The following DDX59 variants were observed in gnomAD, a reference collection of about 807,000 sequenced individuals.
DDX59 encodes the protein DEAD-box helicase 59.
A neutral mutation model predicts 51.9 loss-of-function variants in DDX59; 30 were observed. The ratio of observed to expected loss-of-function variants is 0.58; its 90% CI spans 0.43 to 0.78. The LOEUF (loss-of-function observed/expected upper bound fraction) is 0.78, where lower values mean the gene tolerates loss of function less well. Among genes scored for constraint, DDX59 ranks in the 30% least tolerant of loss-of-function variants. DDX59 has a pLI of 0.00. For synonymous variants in DDX59, 255 were observed against 253.3 expected, an observed-to-expected ratio of 1.01 and a Z score of -0.06; for missense variants, 672 against 730.8, an observed-to-expected ratio of 0.92 and a Z score of 0.93.
Position 200,666,329 on chromosome 1 carries a change from G to A in DDX59, c.412C>T (p.Gln138Ter). The A allele has an allele frequency of 1.9e-6, 3 of 1,614,134 alleles. No individual in the cohort carries two copies. The highest frequency in any genetic ancestry group is 1.7e-6 in the Non-Finnish European group (2 of 1,180,030). ...SLECKAKHLLQVKEKEEKSKL... is the reference protein window; with the variant it reads ...SLECKAKHLL ...GATTTCTCTTCCTTTTCCTTAACTT[G>A]TAGAAGATGTTTCGCTTTACACTCC... The change falls in exon 2 of 8, where the codon CAA becomes TAA. Residue 138 changes from glutamine to a stop codon, truncating the protein, a stop_gained. Transcript: ENST00000331314. LOFTEE classifies it high-confidence loss of function.
At chr1:200,649,046 A>AC in intron 6 of DDX59, 28 bp downstream of exon 6, 1 of 1,517,382 alleles carries the variant, frequency 6.6e-7, no homozygotes, top group Non-Finnish European at 8.8e-7. Flanking sequence ...TTTATAGAAA[A>AC]CAGAATATAG....
intron 2 of DDX59, 51 bp from the exon 3 acceptor site, chr1:200,664,137 T>C (rs1271537917): frequency 6.4e-7 from 1 of 1,570,664 alleles, no homozygotes; most frequent in Non-Finnish European, 8.6e-7. Context: ...TAATTCCTGC[T>C]GATATGAACT....
intron 1 of DDX59, among the ~76,000 whole-genome samples, chr1:200,667,056 C>T (rs551011536): frequency 2.6e-5 from 4 of 151,478 alleles, no homozygotes; most frequent in Admixed American, 1.3e-4. Flanking sequence ...TGCAGTGAGC[C>T]GAGATCGTGC....
intron 3 of DDX59, 118 bp downstream of exon 3, chr1:200,663,801 A>G (rs1662530670): frequency 2.8e-6 from 3 of 1,076,132 alleles, no homozygotes; most frequent in Non-Finnish European, 3.7e-6. Flanking sequence ...CTTACTTGGT[A>G]AGAATTTAAA....
intron 4 of DDX59, among the ~76,000 whole-genome samples, chr1:200,653,906 C>T (rs1661831814): frequency 6.6e-6 from 1 of 152,162 alleles, no homozygotes; most frequent in African/African-American, 2.4e-5. Context: ...GTTGCCACTG[C>T]CGTATCGCCT....
chr1:200,655,748 A>T (rs1159045056), intron 4 of DDX59, among the ~76,000 whole-genome samples: 1 of 151,804 alleles, frequency 6.6e-6, no homozygotes, highest in Non-Finnish European at 1.5e-5. Flanking sequence ...CTAAGAAGCC[A>T]TTTTTTGCAG....
intron 4 of DDX59, among the ~76,000 whole-genome samples, chr1:200,653,748 C>T (rs1028919743): frequency 2.0e-5 from 3 of 152,212 alleles, no homozygotes; most frequent in Non-Finnish European, 4.4e-5. Context: ...ATACCTCATG[C>T]TTGCTTCCTT....
rs7521257 is a variant in DDX59, at chr1:200,658,836, G to A, written c.1062+191C>T. On this transcript the variant is annotated intron_variant, in intron 4 of 7. Transcript: ENST00000331314. ...CTGTCAATTAGGAAAAGACAGCTCT[G>A]GTTTAATTTTAGTGTAGTACACATT... Among the ~76,000 whole-genome samples, 7,753 of 152,194 alleles carry A rather than the reference G, an allele frequency of 0.051. 264 individuals carry two copies. The highest frequency in any genetic ancestry group is 0.094 in the African/African-American group (3,910 of 41,518).
At chr1:200,665,004 C>T (rs1194234677) in intron 2 of DDX59, among the ~76,000 whole-genome samples, 2 of 152,188 alleles carry the variant, frequency 1.3e-5, no homozygotes, top group Non-Finnish European at 2.9e-5. Context: ...ACTTCCCTTC[C>T]TGCCATACTT....
At chr1:200,654,455 TAG>T (rs560775284) in intron 4 of DDX59, 1 of 151,988 alleles carries the variant, frequency 6.6e-6, no homozygotes, top group Non-Finnish European at 1.5e-5. Flanking sequence ...AATGAGTTTG[TAG>T]AGATTCCTGG....
intron 2 of DDX59, among the ~76,000 whole-genome samples, chr1:200,664,625 T>C (rs1249948301): frequency 6.6e-6 from 1 of 152,152 alleles, no homozygotes; most frequent in Non-Finnish European, 1.5e-5. Flanking sequence ...CACTATCTTC[T>C]ACTACTCTTT....
chr1:200,656,014 A>G (rs1010195854), intron 4 of DDX59, among the ~76,000 whole-genome samples: 8 of 151,972 alleles, frequency 5.3e-5, no homozygotes, highest in African/African-American at 1.9e-4. Context: ...ATTTTTAGTA[A>G]AGATGGGGTT....
At chr1:200,661,318 G>A (rs1389927877) in intron 3 of DDX59, among the ~76,000 whole-genome samples, 1 of 152,176 alleles carries the variant, frequency 6.6e-6, no homozygotes, top group Admixed American at 6.5e-5. Flanking sequence ...AATTCAAAGT[G>A]TGGTGAAGAA....
chr1:200,653,043 TCTCA>T (rs1343703349), intron 4 of DDX59, among the ~76,000 whole-genome samples: 1 of 152,190 alleles, frequency 6.6e-6, no homozygotes, highest in East Asian at 1.9e-4. Context: ...CTTTCTCTTC[TCTCA>T]ATCTCTATAC....
At chr1:200,649,999 C>CG (rs1356859526) in intron 5 of DDX59, among the ~76,000 whole-genome samples, 12 of 151,956 alleles carry the variant, frequency 7.9e-5, no homozygotes, top group African/African-American at 2.2e-4. Context: ...TGTGCCACCA[C>CG]GCCTGGCTAA....
At chr1:200,668,624 C>T (rs1314746394) in intron 1 of DDX59, among the ~76,000 whole-genome samples, 1 of 152,150 alleles carries the variant, frequency 6.6e-6, no homozygotes, top group Non-Finnish European at 1.5e-5. Flanking sequence ...CTTAAAACTC[C>T]CCTGCAAAGT....
At position 200,644,264 on chromosome 1, in the gene DDX59, G is replaced by T. The variant is rs145775065; in HGVS notation, c.1850C>A (p.Ser617Tyr). The T allele has an allele frequency of 4.6e-6, 7 of 1,533,906 alleles. No homozygotes were observed. In the African/African-American group the frequency reaches 8.4e-5, roughly 18 times the overall value. ...DIIRKHDKSNSQK is the reference protein window; with the variant it reads ...DIIRKHDKSNYQK ...AAGTGGCAGAGAAAATCATTTCTGA[G>T]AATTACTTTTATCATGTTTTCTGAT... is the stretch of plus-strand genomic sequence containing the variant. The change falls in exon 8 of 8, where the codon TCT (serine) becomes TAT (tyrosine). Residue 617 changes from serine to tyrosine, a missense_variant. Physicochemically the swap from Ser to Tyr is moderately radical, Grantham distance 144 (BLOSUM62 -2). Coordinates refer to ENST00000331314, the MANE Select transcript of DDX59 (RefSeq NM_001031725.6).
At chr1:200,665,808 G>T in intron 2 of DDX59, 129 bp downstream of exon 2, 1 of 948,090 alleles carries the variant, frequency 1.1e-6, no homozygotes, top group Non-Finnish European at 1.5e-6. Flanking sequence ...AATCACTACA[G>T]GCACTAGTGA....
chr1:200,644,319 G>T lies in DDX59; in HGVS notation c.1795C>A (p.Leu599Met), dbSNP rs755695604. The T allele has an allele frequency of 6.8e-6, 11 of 1,613,320 alleles. No homozygotes were observed. In the African/African-American group the frequency reaches 1.5e-4, roughly 22 times the overall value. The change falls in exon 8 of 8, where the codon CTG becomes ATG. Residue 599 changes from leucine (L) to methionine (M), a missense_variant. By Grantham distance (15) the Leu-to-Met change is conservative (BLOSUM62 2). Transcript: ENST00000331314. ...QQKDKQTQND[L>M]VTGANLMDII... ...TCCATAAGATTAGCTCCTGTAACCAGATCATTCTGTGTCTGTTTATCTTTC... is the reference window on the plus strand; with the variant it reads ...TCCATAAGATTAGCTCCTGTAACCATATCATTCTGTGTCTGTTTATCTTTC...
Sources: allele counts gnomAD v4.1 joint callset (sites outside exome capture counted in the v4.1 genomes callset), GRCh38; gene constraint gnomAD v4.1.1; transcripts MANE v1.5; gene names NCBI Gene and HGNC (gene_info 2026-07-23, HGNC 2026-07-21).